Variants in MAP9 observed in about 807,000 individuals in gnomAD.
MAP9 encodes microtubule-associated protein 9.
Under a neutral mutation model 75.2 loss-of-function variants are expected in MAP9, and 80 were observed. That is an observed-to-expected ratio of 1.06 (90% CI 0.89 to 1.28). MAP9 has a LOEUF of 1.28. Among genes scored for constraint, MAP9 ranks in the 50% most tolerant of loss-of-function variants. The pLI is 0.00. For synonymous variants in MAP9, 235 were observed against 237.3 expected, an observed-to-expected ratio of 0.99 and a Z score of 0.09; for missense variants, 753 against 719.9, an observed-to-expected ratio of 1.05 and a Z score of -0.53.
In MAP9 at chr4:155,346,425, G is replaced by A. The variant is rs1224286037; in HGVS notation, c.*1358C>T. ...GTTTGTAACGTTGATATTATGCAGA[G>A]GTCTTGACAGAACTTGGCAGTCTCT... On this transcript the variant is annotated 3_prime_UTR_variant, in exon 14 of 14. Coordinates refer to ENST00000311277, the MANE Select transcript of MAP9 (RefSeq NM_001039580.2). The A allele has an allele frequency of 6.6e-5, 10 of 152,140 alleles. No individual in the cohort carries two copies. The allele number at this position is 152,140 out of a possible 1,614,324, so 9.4% of individuals were successfully genotyped here. A position where few individuals can be genotyped will look rare whatever the true frequency, so the allele number is the denominator to read the frequency against.
Position 155,362,083 on chromosome 4 carries a change from A to G in MAP9, c.767T>C (p.Phe256Ser). ...SSLKQILGDS[F>S]SPGSEGNASG... ...TGCGTTTCCCTCAGATCCTGGTGAA[A>G]AAGAATCTCCAAGAATTTGTTTAAG... Residue 256 changes from phenylalanine to serine, a missense_variant, in exon 6 of 14, where the codon TTT (phenylalanine) becomes TCT (serine). Transcript: ENST00000311277. 1 of 1,600,536 alleles carries G rather than the reference A, an allele frequency of 6.2e-7. No individual in the cohort carries two copies. The highest frequency in any genetic ancestry group is 2.2e-5 in the East Asian group (1 of 44,654).
intron 4 of MAP9, among the ~76,000 whole-genome samples, chr4:155,371,569 C>T (rs1732596394): frequency 6.6e-6 from 1 of 151,606 alleles, no homozygotes; most frequent in Non-Finnish European, 1.5e-5. Flanking sequence ...TTTTGGTAAT[C>T]AATGTATACA....
At chr4:155,372,229 A>T (rs1732633099) in intron 4 of MAP9, among the ~76,000 whole-genome samples, 1 of 152,178 alleles carries the variant, frequency 6.6e-6, no homozygotes, top group Non-Finnish European at 1.5e-5. Flanking sequence ...TGCCTGAAAT[A>T]AAGTTTTGTC....
intron 8 of MAP9, among the ~76,000 whole-genome samples, 199 bp from the exon 9 acceptor site, chr4:155,356,083 A>G (rs1204152749): frequency 6.6e-6 from 1 of 152,152 alleles, no homozygotes; most frequent in East Asian, 1.9e-4. Context: ...CCTGGGCAAC[A>G]TGGTGAAACC....
chr4:155,370,277 T>C (rs941099194), intron 4 of MAP9, among the ~76,000 whole-genome samples: 28 of 152,234 alleles, frequency 1.8e-4, no homozygotes, highest in Admixed American at 3.3e-4. Context: ...GCTTCCATGA[T>C]ATTTACAAAA....
Position 155,355,430 on chromosome 4 carries a change from A to T in MAP9, c.1291-270T>A, listed in dbSNP as rs191636728. On this transcript the variant is annotated intron_variant, in intron 9 of 13. Transcript: ENST00000311277. ...TTGTTCATATAAACTTCAAGAAGAA[A>T]AAAATGAAAACATATATAGACTTTA... is the stretch of plus-strand genomic sequence containing the variant. Among the ~76,000 whole-genome samples the T allele has an allele frequency of 4.1e-4, 62 of 152,306 alleles. No individual in the cohort carries two copies. The East Asian group carries it at 8.3e-3, about 20-fold the overall frequency.
chr4:155,373,069 A>C (rs1183328945), intron 4 of MAP9, 67 bp downstream of exon 4: 13 of 1,097,500 alleles, frequency 1.2e-5, no homozygotes, highest in Non-Finnish European at 1.5e-5. Flanking sequence ...CCATATAAAA[A>C]TTTTGGGACT....
intron 5 of MAP9, among the ~76,000 whole-genome samples, chr4:155,365,754 TAACC>T (rs1578853699): frequency 6.6e-6 from 1 of 151,952 alleles, no homozygotes; most frequent in African/African-American, 2.4e-5. Flanking sequence ...CACCATAAAA[TAACC>T]AACTGGTCAA....
intron 10 of MAP9, 51 bp from the exon 11 acceptor site, chr4:155,353,391 T>C (rs970146633): frequency 1.2e-5 from 16 of 1,342,774 alleles, no homozygotes; most frequent in African/African-American, 3.0e-5. Context: ...TATATATACA[T>C]AGACACAAAT....
rs1238047228 is a variant in MAP9 at position 155,343,104 on chromosome 4, A to G, written c.*4679T>C. On this transcript the variant is annotated 3_prime_UTR_variant, in exon 14 of 14. Coordinates refer to ENST00000311277, the MANE Select transcript of MAP9 (RefSeq NM_001039580.2). ...ATCACTGAGTGAAAAAAATCTGGCTACCAAATATGTAGTCTGACTCATTCT... is the reference window on the plus strand; with the variant it reads ...ATCACTGAGTGAAAAAAATCTGGCTGCCAAATATGTAGTCTGACTCATTCT... 1 of 151,958 alleles carries G rather than the reference A, an allele frequency of 6.6e-6. No individual in the cohort carries two copies. The highest frequency in any genetic ancestry group is 6.6e-5 in the Admixed American group (1 of 15,244). 9.4% of individuals were successfully genotyped at this position (151,958 alleles called of 1,614,324 possible).
intron 13 of MAP9, chr4:155,351,141 G>C (rs569080196): frequency 1.3e-5 from 2 of 151,898 alleles, no homozygotes; most frequent in East Asian, 3.9e-4. Context: ...ATGGAAGTGT[G>C]GCACTGGAAT....
Position 155,375,856 on chromosome 4 carries a change from A to AT in MAP9, c.-7dup, listed in dbSNP as rs757603163. 7.6e-5 allele frequency: 122 copies of AT among 1,596,776 alleles called. 2 individuals carry two copies. The South Asian group carries it at 1.3e-3, about 17-fold the overall frequency. ...CTAAAAACTTCATCAGACATAGTGT[A>AT]TTTTTTCTCGTTACCTTTATAAAAT... On this transcript the variant is annotated 5_prime_UTR_variant, in exon 2 of 14. Coordinates refer to ENST00000311277, the MANE Select transcript of MAP9 (RefSeq NM_001039580.2).
At chr4:155,353,389 C>T (rs1382546057) in intron 10 of MAP9, 49 bp from the exon 11 acceptor site, 1 of 1,338,992 alleles carries the variant, frequency 7.5e-7, no homozygotes, top group East Asian at 2.8e-5. Context: ...TGTATATATA[C>T]ATAGACACAA....
At position 155,356,614 on chromosome 4, in the gene MAP9, C is replaced by A. The variant is rs185635237; in HGVS notation, c.1122-730G>T. ...AAATATAAAATTAGAAAGAATAGTA[C>A]TATCTATATCAGGGATTGGTGGGAA... On this transcript the variant is annotated intron_variant, in intron 8 of 13. Transcript: ENST00000311277. Among the ~76,000 whole-genome samples the A allele has an allele frequency of 9.2e-5, 14 of 152,126 alleles. No homozygotes were observed. In the East Asian group the frequency reaches 2.7e-3, roughly 29 times the overall value.
At chr4:155,375,667 A>C in intron 2 of MAP9, 109 bp downstream of exon 2, 1 of 584,940 alleles carries the variant, frequency 1.7e-6, no homozygotes, top group Non-Finnish European at 2.9e-6. Flanking sequence ...CCTCAAAAGT[A>C]ATATAAGATT....
At chr4:155,352,486 C>T (rs937090465) in intron 13 of MAP9, 110 bp downstream of exon 13, 14 of 1,068,390 alleles carry the variant, frequency 1.3e-5, no homozygotes, top group Middle Eastern at 2.1e-4. Context: ...AAAGCAGATT[C>T]CAGGTAGAAA....
intron 1 of MAP9, 48 bp from the exon 2 acceptor site, chr4:155,375,962 T>A: frequency 1.5e-6 from 1 of 680,664 alleles, no homozygotes; most frequent in South Asian, 1.9e-5. Flanking sequence ...AGAATTTATT[T>A]TATTACATTT....
At chr4:155,356,713 C>G (rs1367305898) in intron 8 of MAP9, among the ~76,000 whole-genome samples, 1 of 152,078 alleles carries the variant, frequency 6.6e-6, no homozygotes, top group Non-Finnish European at 1.5e-5. Context: ...TTAAGTTTTG[C>G]CTGTGGCTGC....
chr4:155,357,287 A>G (rs563091101), intron 8 of MAP9, 162 bp downstream of exon 8: 92 of 611,858 alleles, frequency 1.5e-4, no homozygotes, highest in African/African-American at 1.4e-3. Flanking sequence ...AATATCATCA[A>G]CCAAGGGGTT....
Sources: allele counts gnomAD v4.1 joint callset (sites outside exome capture counted in the v4.1 genomes callset), GRCh38; gene constraint gnomAD v4.1.1; transcripts MANE v1.5; gene names NCBI Gene and HGNC (gene_info 2026-07-23, HGNC 2026-07-21).